TMEM132C: variants seen among roughly 807,000 people sequenced by gnomAD.
TMEM132C encodes protein phosphatase 1, regulatory subunit 152.
TMEM132C carries 29 observed loss-of-function variants against 61.4 expected under a neutral mutation model. The observed-to-expected ratio is 0.47, with a 90% confidence interval of 0.35 to 0.64. The LOEUF is 0.64. Among genes scored for constraint, TMEM132C ranks in the 30% least tolerant of loss-of-function variants. The pLI, the probability that TMEM132C is intolerant of heterozygous loss-of-function variation, is 0.00. For missense variants in TMEM132C, 1,408 were observed against 1,476.9 expected, an observed-to-expected ratio of 0.95 and a Z score of 0.76; for synonymous variants, 656 against 633.1, an observed-to-expected ratio of 1.04 and a Z score of -0.54.
intron 4 of TMEM132C, among the ~76,000 whole-genome samples, chr12:128,666,444 G>T (rs1030023344): frequency 2.0e-5 from 3 of 152,138 alleles, no homozygotes; most frequent in Non-Finnish European, 2.9e-5. Context: ...CTGTTTAGAA[G>T]CTACCCAGTC....
intron 2 of TMEM132C, among the ~76,000 whole-genome samples, chr12:128,457,316 A>G (rs537989283): frequency 6.6e-6 from 1 of 151,740 alleles, no homozygotes; most frequent in South Asian, 2.1e-4. Flanking sequence ...AAAAAAAAAA[A>G]AAAAAACAGC....
chr12:128,556,359 G>A (rs1874329945), intron 3 of TMEM132C, among the ~76,000 whole-genome samples: 1 of 152,198 alleles, frequency 6.6e-6, no homozygotes, highest in South Asian at 2.1e-4. Context: ...AGTGAAAGCT[G>A]ATGTGTAGGA....
intron 2 of TMEM132C, among the ~76,000 whole-genome samples, chr12:128,471,278 T>C (rs924208868): frequency 6.6e-6 from 1 of 152,256 alleles, no homozygotes; most frequent in Non-Finnish European, 1.5e-5. Flanking sequence ...ACAACTTATA[T>C]TTTAAATTCT....
intron 1 of TMEM132C, among the ~76,000 whole-genome samples, chr12:128,279,494 C>T (rs73430869): frequency 0.019 from 2,871 of 152,280 alleles, 77 homozygotes; most frequent in African/African-American, 0.065. Context: ...ACAGTCTGTG[C>T]GGTGATCTAC....
At chr12:128,377,037 C>T (rs960960312) in intron 1 of TMEM132C, among the ~76,000 whole-genome samples, 4 of 151,866 alleles carry the variant, frequency 2.6e-5, no homozygotes, top group Admixed American at 2.6e-4. Context: ...TTTATGTCAT[C>T]CTTTACCATG....
intron 3 of TMEM132C, among the ~76,000 whole-genome samples, chr12:128,575,530 C>T (rs542349173): frequency 5.0e-4 from 76 of 151,972 alleles, no homozygotes; most frequent in African/African-American, 1.7e-3. Flanking sequence ...TTTTACTTAA[C>T]GATTCATGAG....
At chr12:128,286,124 C>T (rs1871063586) in intron 1 of TMEM132C, among the ~76,000 whole-genome samples, 1 of 151,618 alleles carries the variant, frequency 6.6e-6, no homozygotes, top group African/African-American at 2.4e-5. Context: ...TCTCTCTCTG[C>T]CTCCTTCACA....
chr12:128,375,480 T>A (rs889407626), intron 1 of TMEM132C, among the ~76,000 whole-genome samples: 2 of 152,154 alleles, frequency 1.3e-5, no homozygotes, highest in Non-Finnish European at 2.9e-5. Flanking sequence ...CTCCCTTCTC[T>A]GCCACCTCCT....
At chr12:128,324,262 A>G (rs1187976146) in intron 1 of TMEM132C, among the ~76,000 whole-genome samples, 1 of 152,198 alleles carries the variant, frequency 6.6e-6, no homozygotes, top group Admixed American at 6.5e-5. Flanking sequence ...CTTATGGTCA[A>G]ATTTTCAGCT....
intron 3 of TMEM132C, among the ~76,000 whole-genome samples, chr12:128,610,373 A>G (rs542918789): frequency 6.6e-6 from 1 of 152,278 alleles, no homozygotes; most frequent in Non-Finnish European, 1.5e-5. Context: ...TCACCCCCAG[A>G]CTCAATTTTC....
rs1001410272 is a variant in TMEM132C at position 128,706,830 on chromosome 12, T to C, written c.*535T>C. The C allele has an allele frequency of 3.3e-5, 5 of 151,820 alleles. No homozygotes were observed. Among genetic ancestry groups the C allele is most frequent in the African/African-American group, 1.2e-4 (5 of 41,286 alleles). The allele number at this position is 151,820 out of a possible 1,614,324, so 9.4% of individuals were successfully genotyped here. A position where few individuals can be genotyped will look rare whatever the true frequency, so the allele number is the denominator to read the frequency against. The stretch of plus-strand genomic sequence containing the variant: ...TGCCTCTTGGGATAGAACTAGGGAG[T>C]TTTAAATCTTTACTTGATCATCTTT... On this transcript the variant is annotated 3_prime_UTR_variant, in exon 9 of 9. Coordinates refer to ENST00000435159, the MANE Select transcript of TMEM132C (RefSeq NM_001136103.3).
At chr12:128,648,101 G>T (rs1954227802) in intron 4 of TMEM132C, among the ~76,000 whole-genome samples, 2 of 151,454 alleles carry the variant, frequency 1.3e-5, no homozygotes, top group South Asian at 2.1e-4. Flanking sequence ...CATCAGCATT[G>T]GATGTGAGTG....
intron 3 of TMEM132C, among the ~76,000 whole-genome samples, chr12:128,581,108 T>G (rs1192745328): frequency 6.6e-6 from 1 of 152,134 alleles, no homozygotes; most frequent in African/African-American, 2.4e-5. Flanking sequence ...AGGAAGATCA[T>G]GAGGGCTCTA....
intron 1 of TMEM132C, among the ~76,000 whole-genome samples, chr12:128,332,455 T>A (rs1052167529): frequency 4.0e-5 from 6 of 151,492 alleles, no homozygotes; most frequent in African/African-American, 9.8e-5. Context: ...ATTCTCTTTC[T>A]CTCTCTTTCT....
intron 3 of TMEM132C, among the ~76,000 whole-genome samples, chr12:128,598,259 A>T (rs1876041769): frequency 6.6e-6 from 1 of 152,150 alleles, no homozygotes; most frequent in Non-Finnish European, 1.5e-5. Flanking sequence ...TCTACTAAAA[A>T]ATAATAACAA....
chr12:128,393,340 G>A (rs11838133), intron 1 of TMEM132C, among the ~76,000 whole-genome samples: 13 of 152,206 alleles, frequency 8.5e-5, no homozygotes, highest in South Asian at 2.1e-4. Context: ...AGTCAGACAC[G>A]TCTCAGGATT....
intron 2 of TMEM132C, among the ~76,000 whole-genome samples, chr12:128,516,543 T>C (rs2136123530): frequency 6.6e-6 from 1 of 152,046 alleles, no homozygotes; most frequent in Non-Finnish European, 1.5e-5. Flanking sequence ...TGATAGGAGT[T>C]TAGGGTGCTG....
intron 1 of TMEM132C, among the ~76,000 whole-genome samples, chr12:128,374,776 C>T (rs1169659220): frequency 6.6e-6 from 1 of 151,898 alleles, no homozygotes; most frequent in Non-Finnish European, 1.5e-5. Context: ...AAAAATTAGC[C>T]ACGTGCGGTG....
Position 128,630,765 on chromosome 12 carries a change from T to G in TMEM132C, c.1305+14430T>G, listed in dbSNP as rs752586965. Among the ~76,000 whole-genome samples the G allele has an allele frequency of 1.8e-4, 27 of 152,308 alleles. No homozygotes were observed. The highest frequency in any genetic ancestry group is 3.4e-4 in the Non-Finnish European group (23 of 68,022). On this transcript the variant is annotated intron_variant, in intron 4 of 8. Transcript: ENST00000435159. The surrounding 1 kb of genome is among the most constrained non-coding windows in gnomAD (Gnocchi z 4.3). ...ATAATAATGTGTGGGCCGGGCACGG[T>G]GGCTCACGCCTGTAATCCCAGCACT...
Sources: gnomAD v4.1 joint callset for allele counts (sites outside exome capture counted in the v4.1 genomes callset) on GRCh38, gnomAD v4.1.1 for gene constraint, Gnocchi (gnomAD v3.1) non-coding constraint, MANE v1.5 for transcripts, NCBI Gene and HGNC (gene_info 2026-07-23, HGNC 2026-07-21) for gene names.